The following DOCK9 variants were observed in gnomAD, a reference collection of about 807,000 sequenced individuals.
DOCK9 encodes the protein dedicator of cytokinesis protein 9.
In DOCK9, 89 loss-of-function variants were observed where a neutral mutation model predicts 263.3. The observed-to-expected ratio is 0.34, with a 90% CI of 0.28 to 0.40. DOCK9 has a LOEUF of 0.40. Ranked by LOEUF, DOCK9 falls within the 10% of genes least tolerant of loss-of-function variation. The pLI is 1.00. For missense variants in DOCK9, 2,140 were observed against 2,603.4 expected (o/e 0.82, Z 3.87); for synonymous variants, 976 against 973.1 (o/e 1.00, Z -0.06).
rs1247543285 is a variant in DOCK9 at position 98,797,120 on chromosome 13, C to G, written c.6151G>C (p.Glu2051Gln). 1 of 1,614,036 alleles carries G rather than the reference C, an allele frequency of 6.2e-7. No individual in the cohort carries two copies. The highest frequency in any genetic ancestry group is 2.2e-5 in the East Asian group (1 of 44,882). ...MAKELSEIMH[E>Q]QICPLEEKTS... ...GGAGCCAGTGCGGCCCTCACCTGCT[C>G]ATGCATGATTTCAGAAAGCTCCTTC... is the stretch of plus-strand genomic sequence containing the variant. The change falls in exon 52 of 53, where the codon GAG becomes CAG. Residue 2051 changes from glutamate to glutamine, a missense_variant. Physicochemically the swap from Glu to Gln is conservative, Grantham distance 29. This residue lies in a region of DOCK9 where 619 missense variants were observed against 861.8 expected (regional missense o/e 0.72). Transcript: ENST00000682017.
chr13:98,876,899 A>G (rs1362950176), intron 27 of DOCK9, among the ~76,000 whole-genome samples: 1 of 152,244 alleles, frequency 6.6e-6, no homozygotes, highest in Non-Finnish European at 1.5e-5. Context: ...ATAGTAAATT[A>G]TGTTATGGTT....
intron 2 of DOCK9, among the ~76,000 whole-genome samples, chr13:98,943,561 T>C (rs560995056): frequency 7.2e-5 from 11 of 152,312 alleles, no homozygotes; most frequent in Admixed American, 2.6e-4. Context: ...ATTTACTGTC[T>C]ACTTTACTTC....
At chr13:98,916,933 T>A (rs2050981269) in intron 7 of DOCK9, among the ~76,000 whole-genome samples, 1 of 152,228 alleles carries the variant, frequency 6.6e-6, no homozygotes, top group African/African-American at 2.4e-5. Flanking sequence ...TCAACTAATT[T>A]TTTTATAATA....
At chr13:99,087,681 CGCGCCAGGCGGGGATTT>C (rs1051118038), upstream of DOCK9, 8 of 152,244 alleles carry the variant, frequency 5.3e-5, no homozygotes, top group South Asian at 2.1e-4. Context: ...GCGGAGAGGG[CGCGCCAGGCGGGGATTT>C]GCGCCAGGCC....
At chr13:98,827,129 T>A (rs1367175484) in intron 43 of DOCK9, among the ~76,000 whole-genome samples, 1 of 152,246 alleles carries the variant, frequency 6.6e-6, no homozygotes, top group Non-Finnish European at 1.5e-5. Context: ...CTTTTTTCTA[T>A]ATAGAATTAT....
At chr13:98,940,875 C>G (rs1344598013) in intron 2 of DOCK9, among the ~76,000 whole-genome samples, 1 of 152,158 alleles carries the variant, frequency 6.6e-6, no homozygotes, top group African/African-American at 2.4e-5. Context: ...TCTCTGCACA[C>G]CTGCCATTTG....
chr13:99,006,279 G>A (rs1883322158), intron 1 of DOCK9, among the ~76,000 whole-genome samples: 1 of 152,158 alleles, frequency 6.6e-6, no homozygotes, highest in African/African-American at 2.4e-5. Flanking sequence ...AGTGTAACTT[G>A]GATCAGTCAT....
chr13:98,966,263 T>C (rs2059182127), intron 1 of DOCK9, among the ~76,000 whole-genome samples: 1 of 152,104 alleles, frequency 6.6e-6, no homozygotes, highest in African/African-American at 2.4e-5. Context: ...ATGTGTCTTC[T>C]CCCTACCCTG....
At chr13:99,045,941 A>C (rs1010816427) in intron 1 of DOCK9, among the ~76,000 whole-genome samples, 2 of 151,760 alleles carry the variant, frequency 1.3e-5, no homozygotes, top group African/African-American at 4.8e-5. Context: ...AAATACAAAA[A>C]AAAAAAAAAA....
rs1438574163 is a variant in DOCK9, at chr13:98,885,712, G to A, written c.2256C>T (p.Thr752=). The A allele has an allele frequency of 1.2e-6, 2 of 1,609,672 alleles. No homozygotes were observed. The highest frequency in any genetic ancestry group is 2.2e-5 in the South Asian group (2 of 89,840). The part of the protein sequence containing the change: ...GSTKKRDVVE[T]QVGYSWLPLL... ...GGAATGGTAAGCCCCCCCAACCTTG[G>A]GTTTCAACGACATCCCTCTTCTTCG... Residue 752 remains threonine (T), a synonymous_variant, in exon 20 of 53, where the codon ACC becomes ACT. Transcript: ENST00000682017.
chr13:98,889,985 T>C (rs1481105086), intron 15 of DOCK9, among the ~76,000 whole-genome samples: 1 of 152,202 alleles, frequency 6.6e-6, no homozygotes, highest in Non-Finnish European at 1.5e-5. Context: ...TTCCTACATC[T>C]TTTTTCACAT....
At chr13:99,044,476 C>A (rs11069338) in intron 1 of DOCK9, among the ~76,000 whole-genome samples, 33,851 of 152,048 alleles carry the variant, frequency 0.22, 3,767 homozygotes, top group Middle Eastern at 0.3. Context: ...TGGCTGAGCA[C>A]CCCAGTCAGA....
chr13:98,925,963 G>T (rs2052881274), intron 3 of DOCK9, 44 bp from the exon 4 acceptor site: 1 of 1,467,844 alleles, frequency 6.8e-7, no homozygotes. Context: ...AAAACAGAAA[G>T]ACGTGATTTT....
intron 1 of DOCK9, among the ~76,000 whole-genome samples, chr13:98,990,394 T>G (rs927886434): frequency 6.6e-6 from 1 of 152,226 alleles, no homozygotes; most frequent in Non-Finnish European, 1.5e-5. Flanking sequence ...GTATAAGACT[T>G]GAAGAAAAGA....
chr13:98,867,721 C>T (rs952968417), intron 29 of DOCK9, among the ~76,000 whole-genome samples, 185 bp from the exon 30 acceptor site: 2 of 152,116 alleles, frequency 1.3e-5, no homozygotes, highest in African/African-American at 2.4e-5. Flanking sequence ...ACTAAGGACA[C>T]ATTTCAATAA....
At chr13:98,990,672 C>A (rs1336194587) in intron 1 of DOCK9, among the ~76,000 whole-genome samples, 1 of 152,180 alleles carries the variant, frequency 6.6e-6, no homozygotes, top group Non-Finnish European at 1.5e-5. Context: ...CACACATCCA[C>A]AAAAATGAGG....
At chr13:98,947,656 C>T (rs906286798) in intron 2 of DOCK9, among the ~76,000 whole-genome samples, 1 of 152,060 alleles carries the variant, frequency 6.6e-6, no homozygotes, top group Non-Finnish European at 1.5e-5. Flanking sequence ...CAGGCGCCCG[C>T]CACTACGCCC....
chr13:98,809,178 G>T (rs1213148869), intron 47 of DOCK9, 174 bp downstream of exon 47: 4 of 1,426,800 alleles, frequency 2.8e-6, no homozygotes, highest in Middle Eastern at 1.8e-4. Context: ...AAAGCAGAAA[G>T]TTTACTACTG....
chr13:99,011,446 G>A (rs1884460043), intron 1 of DOCK9, among the ~76,000 whole-genome samples: 1 of 152,122 alleles, frequency 6.6e-6, no homozygotes, highest in Non-Finnish European at 1.5e-5. Flanking sequence ...ACTTGGCTGG[G>A]ATCAGCTACA....
Sources: gnomAD v4.1 joint callset for allele counts (sites outside exome capture counted in the v4.1 genomes callset) on GRCh38, gnomAD v4.1.1 for gene constraint, gnomAD v4.1.1 regional missense constraint, MANE v1.5 for transcripts, NCBI Gene and HGNC (gene_info 2026-07-23, HGNC 2026-07-21) for gene names.